Variants in POR observed in about 807,000 individuals in gnomAD.
POR encodes NADPH--cytochrome P450 reductase.
Under a neutral mutation model 84.0 loss-of-function variants are expected in POR, and 56 were observed. That is an observed-to-expected ratio of 0.67 (90% confidence interval 0.54 to 0.83). POR has a LOEUF of 0.83. Ranked by LOEUF, POR falls within the 40% of genes least tolerant of loss-of-function variation. The probability of loss-of-function intolerance (pLI) is 0.00; values close to 1 mark genes in which losing one functional copy is unlikely to be tolerated. For missense variants in POR, 938 were observed against 944.3 expected, an observed-to-expected ratio of 0.99 and a Z score of 0.09; for synonymous variants, 414 against 400.5, an observed-to-expected ratio of 1.03 and a Z score of -0.40.
intron 2 of POR, among the ~76,000 whole-genome samples, chr7:75,969,309 G>A (rs746145133): frequency 6.6e-6 from 1 of 152,228 alleles, no homozygotes; most frequent in East Asian, 1.9e-4. Context: ...GCACGAGAGG[G>A]GCGGGGCCTG....
At chr7:75,972,281 A>G in intron 2 of POR, 132 bp from the exon 3 acceptor site, 1 of 819,678 alleles carries the variant, frequency 1.2e-6, no homozygotes, top group South Asian at 1.6e-5. Flanking sequence ...GGCACGGGAC[A>G]AAGCTGGAAT....
chr7:75,922,343 A>G (rs1215148404), intron 1 of POR, among the ~76,000 whole-genome samples: 1 of 138,728 alleles, frequency 7.2e-6, no homozygotes, highest in Non-Finnish European at 1.5e-5. Context: ...TTTTTTTGAG[A>G]CAGAGCCTGT....
intron 2 of POR, among the ~76,000 whole-genome samples, chr7:75,968,720 C>T (rs1032024653): frequency 1.3e-5 from 2 of 152,194 alleles, no homozygotes; most frequent in Admixed American, 6.5e-5. Flanking sequence ...CTTTTCCCCC[C>T]TGGACCACTC....
Position 75,986,394 on chromosome 7 carries a change from G to C in POR, c.1956G>C (p.Glu652Asp). 6.2e-7 allele frequency: 1 copy of C among 1,612,606 alleles called. No individual in the cohort carries two copies. The highest frequency in any genetic ancestry group is 8.5e-7 in the Non-Finnish European group (1 of 1,179,858). Reference sequence around the variant, plus strand: ...ACACCTTCTACGACATCGTGGCTGAGCTCGGGGCCATGGAGCACGCGCAGG... The same window carrying C: ...ACACCTTCTACGACATCGTGGCTGACCTCGGGGCCATGGAGCACGCGCAGG... The change falls in exon 16 of 16, where the codon GAG becomes GAC. Residue 652 changes from glutamate to aspartate, a missense_variant. Glu to Asp is a conservative substitution (Grantham distance 45). Transcript: ENST00000461988.
chr7:75,966,795 G>A (rs797032397), intron 2 of POR, among the ~76,000 whole-genome samples: 3 of 152,124 alleles, frequency 2.0e-5, no homozygotes, highest in African/African-American at 4.8e-5. Context: ...TCTTCCCCAC[G>A]CAGTGGACTA....
chr7:75,948,769 C>T (rs1272182763), intron 1 of POR, among the ~76,000 whole-genome samples: 2 of 152,160 alleles, frequency 1.3e-5, no homozygotes, highest in Non-Finnish European at 2.9e-5. Context: ...AGCCAAGTCC[C>T]TGCCCTTGTG....
chr7:75,986,509 G>C lies in POR; in HGVS notation c.*28G>C. 1 of 1,599,914 alleles carries C rather than the reference G, an allele frequency of 6.3e-7. No individual in the cohort carries two copies. On this transcript the variant is annotated 3_prime_UTR_variant, in exon 16 of 16. Coordinates refer to ENST00000461988, the MANE Select transcript of POR (RefSeq NM_000941.3). ...GCCTGCCTGCCCCACCCACCCCACAGACTCCGGCCTGTAATCAGCTCTCCT... is the reference window on the plus strand; with the variant it reads ...GCCTGCCTGCCCCACCCACCCCACACACTCCGGCCTGTAATCAGCTCTCCT...
intron 1 of POR, among the ~76,000 whole-genome samples, chr7:75,930,357 C>G (rs1046949190): frequency 6.6e-6 from 1 of 152,138 alleles, no homozygotes; most frequent in Non-Finnish European, 1.5e-5. Context: ...TGGTGTGCAC[C>G]TGTAGTCCCA....
intron 1 of POR, among the ~76,000 whole-genome samples, chr7:75,944,759 A>G (rs1360812706): frequency 1.3e-5 from 2 of 152,184 alleles, no homozygotes; most frequent in Non-Finnish European, 2.9e-5. Context: ...AAAATAGGAA[A>G]CTGAATGGAT....
At chr7:75,967,548 T>A (rs1489831172) in intron 2 of POR, among the ~76,000 whole-genome samples, 3 of 152,046 alleles carry the variant, frequency 2.0e-5, no homozygotes, top group Non-Finnish European at 2.9e-5. Flanking sequence ...GGCAGTGGGA[T>A]CAGTGTGGCT....
rs536353066 is a variant in POR, at chr7:75,985,073, T to G, written c.1264T>G (p.Trp422Gly). Residue 422 changes from tryptophan to glycine, a missense_variant, in exon 12 of 16, where the codon TGG becomes GGG. Transcript: ENST00000461988. ...TGTCTCTTAGGAGCTGTACCTGAGCTGGGTGGTGGAGGCCCGGAGGCACAT... is the reference window on the plus strand; with the variant it reads ...TGTCTCTTAGGAGCTGTACCTGAGCGGGGTGGTGGAGGCCCGGAGGCACAT... The G allele has an allele frequency of 1.6e-4, 262 of 1,598,828 alleles. 1 individual carries two copies. The highest frequency in any genetic ancestry group is 2.1e-4 in the Non-Finnish European group (250 of 1,178,712).
At chr7:75,975,785 A>T (rs1207584897) in intron 3 of POR, among the ~76,000 whole-genome samples, 2 of 148,286 alleles carry the variant, frequency 1.3e-5, no homozygotes, top group Non-Finnish European at 3.0e-5. Flanking sequence ...TTTTAGGATC[A>T]ATTTGTTGAG....
chr7:75,967,324 CT>C (rs1788231790), intron 2 of POR, among the ~76,000 whole-genome samples: 1 of 152,178 alleles, frequency 6.6e-6, no homozygotes, highest in South Asian at 2.1e-4. Context: ...CAGAAGGGTG[CT>C]CCCCAAGACA....
At chr7:75,982,561 A>G (rs1554558273) in intron 8 of POR, among the ~76,000 whole-genome samples, 1 of 152,238 alleles carries the variant, frequency 6.6e-6, no homozygotes, top group East Asian at 1.9e-4. Context: ...AGCGGGGCAC[A>G]TCCCACTTCT....
At chr7:75,926,572 G>A in intron 1 of POR, among the ~76,000 whole-genome samples, 1 of 152,014 alleles carries the variant, frequency 6.6e-6, no homozygotes, top group Admixed American at 6.6e-5. Context: ...GAGGCGGGCA[G>A]ATCACCTGAG....
intron 2 of POR, among the ~76,000 whole-genome samples, chr7:75,968,811 C>T (rs933604276): frequency 3.9e-5 from 6 of 152,352 alleles, no homozygotes; most frequent in African/African-American, 1.2e-4. Context: ...CCCAGAGGCT[C>T]CCCTGTCCAC....
At position 75,922,531 on chromosome 7, in the gene POR, C is replaced by G. The variant is rs58409546; in HGVS notation, c.-5+7352C>G. 2.0e-3 allele frequency among the ~76,000 whole-genome samples: 307 copies of G among 152,094 alleles called. 3 individuals are homozygous for G. The highest frequency in any genetic ancestry group is 6.9e-3 in the African/African-American group (287 of 41,500). On this transcript the variant is annotated intron_variant, in intron 1 of 15. Transcript: ENST00000461988. ...GTACAGATGGGGTTTCACCATGTTG[C>G]CCAGCTGGTCTCGAATGCCTGACCT... is the stretch of plus-strand genomic sequence containing the variant.
chr7:75,948,966 T>C (rs1787298952), intron 1 of POR, among the ~76,000 whole-genome samples: 1 of 151,954 alleles, frequency 6.6e-6, no homozygotes, highest in African/African-American at 2.4e-5. Flanking sequence ...AATGAGGGAG[T>C]GAATTTTGCA....
At chr7:75,973,699 T>G (rs925534740) in intron 3 of POR, among the ~76,000 whole-genome samples, 18 of 136,908 alleles carry the variant, frequency 1.3e-4, no homozygotes, top group Non-Finnish European at 9.4e-5. Flanking sequence ...TTTTTTTTTT[T>G]GAGACAGAGT....
Sources: gnomAD v4.1 joint callset for allele counts (sites outside exome capture counted in the v4.1 genomes callset) on GRCh38, gnomAD v4.1.1 for gene constraint, MANE v1.5 for transcripts, NCBI Gene and HGNC (gene_info 2026-07-23, HGNC 2026-07-21) for gene names.